Variants in FSTL5 observed in about 807,000 individuals in gnomAD.
FSTL5 encodes the protein follistatin-related protein 5.
In FSTL5, 62 loss-of-function variants were observed where a neutral mutation model predicts 89.1. The observed-to-expected ratio is 0.70, with a 90% confidence interval of 0.57 to 0.86. The LOEUF (loss-of-function observed/expected upper bound fraction) is 0.86. Ranked by LOEUF, FSTL5 falls within the 40% of genes least tolerant of loss-of-function variation. FSTL5 has a pLI of 0.00. For missense variants in FSTL5, 1,057 were observed against 1,001.6 expected (o/e 1.06, Z -0.75); for synonymous variants, 383 against 346.2 (o/e 1.11, Z -1.18).
chr4:161,524,033 G>C (rs1228688210), intron 10 of FSTL5, among the ~76,000 whole-genome samples: 1 of 152,066 alleles, frequency 6.6e-6, no homozygotes, highest in Non-Finnish European at 1.5e-5. Flanking sequence ...AGTGGGGATG[G>C]AACATGCCTC....
intron 6 of FSTL5, among the ~76,000 whole-genome samples, chr4:161,743,128 A>C (rs763612798): frequency 5.9e-5 from 9 of 152,142 alleles, no homozygotes; most frequent in Non-Finnish European, 1.3e-4. Context: ...TAGCCCATAA[A>C]ACATTACCAA....
Position 161,564,608 on chromosome 4 carries a change from T to G in FSTL5, c.1016-21915A>C, listed in dbSNP as rs568333220. Among the ~76,000 whole-genome samples, 3 of 151,686 alleles carry G rather than the reference T, an allele frequency of 2.0e-5. No homozygotes were observed. In the East Asian group the frequency reaches 5.8e-4, roughly 30 times the overall value. On this transcript the variant is annotated intron_variant, in intron 8 of 15. Coordinates refer to ENST00000306100, the MANE Select transcript of FSTL5 (RefSeq NM_020116.5). ...CATAGTAATGTATCACCTGTAAATA[T>G]TCACTTTCAAAATGATACTTATAAT...
chr4:161,992,920 A>G (rs371409322), intron 3 of FSTL5, among the ~76,000 whole-genome samples: 13 of 11,608 alleles, frequency 1.1e-3, no homozygotes, highest in Non-Finnish European at 1.9e-3. Flanking sequence ...ATATATATAT[A>G]TATATGTGTG....
At chr4:161,594,187 C>A (rs1239722184) in intron 7 of FSTL5, among the ~76,000 whole-genome samples, 4 of 151,892 alleles carry the variant, frequency 2.6e-5, no homozygotes. Context: ...CTCATTACAA[C>A]CAGAAAATAT....
chr4:161,972,784 T>C (rs973687140), intron 3 of FSTL5, among the ~76,000 whole-genome samples: 10 of 152,222 alleles, frequency 6.6e-5, no homozygotes, highest in African/African-American at 2.4e-4. Flanking sequence ...GTTTTAAGTA[T>C]CTAAGTTTGT....
intron 15 of FSTL5, among the ~76,000 whole-genome samples, chr4:161,393,149 G>A (rs2110881667): frequency 6.6e-6 from 1 of 152,132 alleles, no homozygotes; most frequent in Non-Finnish European, 1.5e-5. Context: ...GGGCAAAAGA[G>A]TGAGAATCTG....
At chr4:161,474,805 A>G (rs28813485) in intron 13 of FSTL5, among the ~76,000 whole-genome samples, 111,593 of 151,846 alleles carry the variant, frequency 0.73, 41,288 homozygotes, top group East Asian at 0.92. Flanking sequence ...TCAGCCTCCC[A>G]AAGTGCTGGG....
At chr4:161,898,437 T>G (rs554413542) in intron 4 of FSTL5, among the ~76,000 whole-genome samples, 2 of 151,988 alleles carry the variant, frequency 1.3e-5, no homozygotes, top group South Asian at 4.1e-4. Context: ...TATGGTAAGA[T>G]TACGCTTAGC....
chr4:161,996,746 T>C (rs1476615254), intron 3 of FSTL5, among the ~76,000 whole-genome samples: 3 of 152,236 alleles, frequency 2.0e-5, no homozygotes, highest in Non-Finnish European at 2.9e-5. Context: ...CAACTTTATT[T>C]GCTTCCAACA....
At chr4:161,411,293 T>C (rs1158947116) in intron 15 of FSTL5, among the ~76,000 whole-genome samples, 1 of 152,038 alleles carries the variant, frequency 6.6e-6, no homozygotes, top group Non-Finnish European at 1.5e-5. Context: ...CTAAAAGTTT[T>C]CAAACAATTG....
chr4:161,558,497 C>T (rs922066243), intron 8 of FSTL5, among the ~76,000 whole-genome samples: 1 of 151,826 alleles, frequency 6.6e-6, no homozygotes, highest in African/African-American at 2.4e-5. Flanking sequence ...AAAGACAAGT[C>T]TACACTGAGT....
At chr4:162,157,676 G>A (rs9995315) in intron 1 of FSTL5, among the ~76,000 whole-genome samples, 1,607 of 152,100 alleles carry the variant, frequency 0.011, 32 homozygotes, top group African/African-American at 0.036. Context: ...GGCCCTATAC[G>A]CTTTCCACTT....
Position 161,784,895 on chromosome 4 carries a change from A to AACAAAAACAAAAAC in FSTL5, c.410-8822_410-8821insGTTTTTGTTTTTGT, listed in dbSNP as rs373897304. Among the ~76,000 whole-genome samples the AACAAAAACAAAAAC allele has an allele frequency of 1.6e-3, 232 of 142,016 alleles. 18 individuals are homozygous for AACAAAAACAAAAAC. The highest frequency in any genetic ancestry group is 5.4e-3 in the East Asian group (26 of 4,842). 93.2% of individuals were successfully genotyped at this position (142,016 alleles called of 152,430 possible). A position where few individuals can be genotyped will look rare whatever the true frequency, so the allele number is the denominator to read the frequency against. On this transcript the variant is annotated intron_variant, in intron 4 of 15. Transcript: ENST00000306100. ...GCGACAGAGCAAGACTCCGTCTCAA[A>AACAAAAACAAAAAC]AAAAACAAAAACAAACAAACAAAAA...
intron 8 of FSTL5, among the ~76,000 whole-genome samples, chr4:161,578,387 A>G (rs1447171506): frequency 6.6e-6 from 1 of 152,116 alleles, no homozygotes; most frequent in Admixed American, 6.6e-5. Context: ...GTGACCTTAA[A>G]GTCAGAGCAT....
intron 7 of FSTL5, among the ~76,000 whole-genome samples, chr4:161,653,287 C>T (rs1736403395): frequency 6.6e-6 from 1 of 152,154 alleles, no homozygotes; most frequent in Non-Finnish European, 1.5e-5. Context: ...CACTGAAAAA[C>T]TCCAGAACTT....
intron 6 of FSTL5, among the ~76,000 whole-genome samples, chr4:161,755,374 CT>C (rs1326857614): frequency 6.6e-6 from 1 of 151,934 alleles, no homozygotes; most frequent in Non-Finnish European, 1.5e-5. Context: ...TATAAAAACA[CT>C]TGATAATATG....
intron 3 of FSTL5, among the ~76,000 whole-genome samples, chr4:161,950,099 A>C (rs990047480): frequency 4.6e-5 from 7 of 152,116 alleles, no homozygotes; most frequent in Admixed American, 4.6e-4. Context: ...GAGTCAATAC[A>C]TCTGTTTTGA....
chr4:161,982,833 T>A (rs1333125338), intron 3 of FSTL5, among the ~76,000 whole-genome samples: 1 of 152,192 alleles, frequency 6.6e-6, no homozygotes, highest in Non-Finnish European at 1.5e-5. Context: ...TATGTATTAT[T>A]CTTTCGAAGT....
intron 2 of FSTL5, among the ~76,000 whole-genome samples, chr4:162,070,002 A>G (rs1729538579): frequency 6.6e-6 from 1 of 151,766 alleles, no homozygotes. Flanking sequence ...TACATTTCCA[A>G]TGGCTGAGTT....
Sources: allele counts gnomAD v4.1 joint callset (sites outside exome capture counted in the v4.1 genomes callset), GRCh38; gene constraint gnomAD v4.1.1; transcripts MANE v1.5; gene names NCBI Gene and HGNC (gene_info 2026-07-23, HGNC 2026-07-21).